The following VAV3 variants were observed in gnomAD, a reference collection of about 807,000 sequenced individuals.
VAV3 encodes the protein guanine nucleotide exchange factor VAV3.
In VAV3, 94 loss-of-function variants were observed where a neutral mutation model predicts 131.2. That is an observed-to-expected ratio of 0.72 (90% CI 0.61 to 0.85). The LOEUF (loss-of-function observed/expected upper bound fraction) is 0.85, where lower values mean the gene tolerates loss of function less well. VAV3 is among the 40% of genes least tolerant of loss of function. The pLI is 0.00. For synonymous variants in VAV3, 349 were observed against 342.0 expected, an observed-to-expected ratio of 1.02 and a Z score of -0.22; for missense variants, 939 against 1,002.7, an observed-to-expected ratio of 0.94 and a Z score of 0.86.
intron 1 of VAV3, among the ~76,000 whole-genome samples, chr1:107,877,746 C>G (rs1004799560): frequency 6.6e-6 from 1 of 152,148 alleles, no homozygotes; most frequent in Non-Finnish European, 1.5e-5. Flanking sequence ...ATTACACATA[C>G]TGGAAATGTT....
intron 1 of VAV3, among the ~76,000 whole-genome samples, chr1:107,938,820 T>C (rs1449218577): frequency 6.6e-6 from 1 of 152,212 alleles, no homozygotes; most frequent in East Asian, 1.9e-4. Context: ...TATCTGCACA[T>C]ATGGACACAG....
chr1:107,958,628 A>T (rs1025511540), intron 1 of VAV3, among the ~76,000 whole-genome samples: 1 of 144,582 alleles, frequency 6.9e-6, no homozygotes, highest in Non-Finnish European at 1.5e-5. Flanking sequence ...AATTTTACTT[A>T]TTTTTTTTTA....
At chr1:107,952,422 C>CA in intron 1 of VAV3, among the ~76,000 whole-genome samples, 1 of 146,078 alleles carries the variant, frequency 6.8e-6, no homozygotes, top group Non-Finnish European at 1.5e-5. Context: ...CACACGTTTA[C>CA]CTATGTAACA....
At position 107,853,626 on chromosome 1, in the gene VAV3, TA is replaced by T. The variant is rs527799435; in HGVS notation, c.321+21274del. Among the ~76,000 whole-genome samples, 1,444 of 148,564 alleles carry T rather than the reference TA, an allele frequency of 9.7e-3. 15 individuals are homozygous for T. Among genetic ancestry groups the T allele is most frequent in the African/African-American group, 0.024 (978 of 40,592 alleles). On this transcript the variant is annotated intron_variant, in intron 2 of 26. Coordinates refer to ENST00000370056, the MANE Select transcript of VAV3 (RefSeq NM_006113.5). ...GTGCTGCAAGTTCTTTTAATGTCTTTAAAAAAAAAAGTTATTTTTGATGACA... is the reference window on the plus strand; with the variant it reads ...GTGCTGCAAGTTCTTTTAATGTCTTTAAAAAAAAAGTTATTTTTGATGACA...
chr1:107,793,963 G>C (rs1429008272), intron 2 of VAV3, among the ~76,000 whole-genome samples: 1 of 152,238 alleles, frequency 6.6e-6, no homozygotes, highest in Non-Finnish European at 1.5e-5. Flanking sequence ...TCCCAGAGAC[G>C]CAGATCTAGC....
Position 107,669,445 on chromosome 1 carries a change from A to G in VAV3, c.1777+14043T>C, listed in dbSNP as rs1055329943. On this transcript the variant is annotated intron_variant, in intron 19 of 26. Transcript: ENST00000370056. ...GCTTCTAGTAGCAGGGGCCATGGAA[A>G]TAAAGAAATGAAGGAGACAGGGCAC... 52 of 1,289,614 alleles carry G rather than the reference A, an allele frequency of 4.0e-5. No homozygotes were observed. The African/African-American group carries it at 7.4e-4, about 18-fold the overall frequency. The allele number at this position is 1,289,614 out of a possible 1,614,324, so 79.9% of individuals were successfully genotyped here. A position where few individuals can be genotyped will look rare whatever the true frequency, so the allele number is the denominator to read the frequency against.
In VAV3 at chr1:107,755,476, T is replaced by C; in HGVS notation, c.1124A>G (p.Asn375Ser). Residue 375 changes from asparagine to serine, a missense_variant, in exon 12 of 27, where the codon AAT becomes AGT. Asn to Ser is a conservative substitution (Grantham distance 46). Coordinates refer to ENST00000370056, the MANE Select transcript of VAV3 (RefSeq NM_006113.5). ...CTGTTTAATTTCACGAAGGGTCTCA[T>C]TATCTCTTTTCACTTCATTCACATA... ...AQYVNEVKRDNETLREIKQFQ... is the reference protein window; with the variant it reads ...AQYVNEVKRDSETLREIKQFQ... 6.2e-7 allele frequency: 1 copy of C among 1,613,820 alleles called. No homozygotes were observed. Among genetic ancestry groups the C allele is most frequent in the Non-Finnish European group, 8.5e-7 (1 of 1,179,768 alleles).
rs111730892 is a variant in VAV3 at position 107,962,235 on chromosome 1, G to A, written c.204+2431C>T. Among the ~76,000 whole-genome samples the A allele has an allele frequency of 2.1e-3, 319 of 152,156 alleles. 1 individual carries two copies. Among genetic ancestry groups the A allele is most frequent in the African/African-American group, 7.3e-3 (304 of 41,488 alleles). ...TAGTAATGACATCTCTAACTCCAGG[G>A]GAATACATTCTGCTGGGACATGACA... On this transcript the variant is annotated intron_variant, in intron 1 of 26. Coordinates refer to ENST00000370056, the MANE Select transcript of VAV3 (RefSeq NM_006113.5).
chr1:107,797,918 C>T (rs1306111739), intron 2 of VAV3, among the ~76,000 whole-genome samples: 1 of 152,194 alleles, frequency 6.6e-6, no homozygotes, highest in African/African-American at 2.4e-5. Flanking sequence ...ATTTGTACTT[C>T]TAGCAAGTTC....
At position 107,617,638 on chromosome 1, in the gene VAV3, G is replaced by GA. The variant is rs5776894; in HGVS notation, c.1915-7dup. On this transcript the variant is annotated splice_polypyrimidine_tract_variant and splice_region_variant and intron_variant, in intron 20 of 26. Coordinates refer to ENST00000370056, the MANE Select transcript of VAV3 (RefSeq NM_006113.5). ...CCAGATGCTAAATTTCTGCCCTAAG[G>GA]AAAAAAAAAAAATGCCAGTGTTGAG... 0.027 allele frequency: 35,118 copies of GA among 1,286,842 alleles called. 10 individuals are homozygous for GA. Among genetic ancestry groups the GA allele is most frequent in the South Asian group, 0.054 (3,680 of 68,408 alleles). 79.7% of individuals were successfully genotyped at this position (1,286,842 alleles called of 1,614,324 possible). A position where few individuals can be genotyped will look rare whatever the true frequency, so the allele number is the denominator to read the frequency against.
At chr1:107,882,268 C>T (rs1670819510) in intron 1 of VAV3, among the ~76,000 whole-genome samples, 1 of 152,066 alleles carries the variant, frequency 6.6e-6, no homozygotes, top group Non-Finnish European at 1.5e-5. Flanking sequence ...CAGAGCCAAC[C>T]TGTGTGTTGA....
At chr1:107,896,493 A>C (rs1447836780) in intron 1 of VAV3, among the ~76,000 whole-genome samples, 4 of 152,204 alleles carry the variant, frequency 2.6e-5, no homozygotes, top group African/African-American at 9.7e-5. Context: ...TTTAACTACA[A>C]AAAACTTATA....
At chr1:107,807,606 G>A (rs979102338) in intron 2 of VAV3, among the ~76,000 whole-genome samples, 3 of 152,152 alleles carry the variant, frequency 2.0e-5, no homozygotes, top group African/African-American at 7.2e-5. Flanking sequence ...TACCCCTAGA[G>A]TTTCACAGTT....
chr1:107,867,463 A>C (rs1670047834), intron 2 of VAV3, among the ~76,000 whole-genome samples: 1 of 152,224 alleles, frequency 6.6e-6, no homozygotes. Context: ...GGTCAACTCC[A>C]TCCAAAAACA....
chr1:107,768,459 T>C lies in VAV3; in HGVS notation c.699A>G (p.Ser233=). 3 of 1,612,324 alleles carry C rather than the reference T, an allele frequency of 1.9e-6. No homozygotes were observed. Residue 233 remains serine, a synonymous_variant, in exon 7 of 27, where the codon TCA becomes TCG. Transcript: ENST00000370056. ...TACTCACAGGAATGTTGATGAATAC[T>C]GAATCAAATTCTGCTGCTGTCAGAA... ...KRFLTAAEFD[S]VFINIPELVK... is the part of the protein sequence containing the mutation.
chr1:107,679,508 T>C (rs1347883531), intron 19 of VAV3, among the ~76,000 whole-genome samples: 4 of 152,176 alleles, frequency 2.6e-5, no homozygotes, highest in Non-Finnish European at 4.4e-5. Flanking sequence ...GACTGTAGGC[T>C]TAAATGCAGG....
intron 2 of VAV3, among the ~76,000 whole-genome samples, chr1:107,801,577 C>T (rs987994434): frequency 1.3e-5 from 2 of 152,094 alleles, no homozygotes; most frequent in Non-Finnish European, 2.9e-5. Context: ...ATCTCAGAGG[C>T]CACACTTCAA....
intron 19 of VAV3, among the ~76,000 whole-genome samples, chr1:107,665,733 C>T (rs537219086): frequency 6.6e-6 from 1 of 152,156 alleles, no homozygotes; most frequent in South Asian, 2.1e-4. Flanking sequence ...CAGGCCAATA[C>T]TAGAAACACT....
intron 19 of VAV3, among the ~76,000 whole-genome samples, chr1:107,678,685 A>G (rs998120837): frequency 5.9e-5 from 9 of 152,110 alleles, no homozygotes; most frequent in Non-Finnish European, 1.2e-4. Flanking sequence ...GAACAATAGT[A>G]TTAAATTGTA....
Sources: allele counts gnomAD v4.1 joint callset (sites outside exome capture counted in the v4.1 genomes callset), GRCh38; gene constraint gnomAD v4.1.1; transcripts MANE v1.5; gene names NCBI Gene and HGNC (gene_info 2026-07-23, HGNC 2026-07-21).